F9: variants seen among roughly 807,000 people sequenced by gnomAD.
F9 encodes the protein coagulation factor IX, also known as Christmas factor.
In F9, 2 loss-of-function variants were observed where a neutral mutation model predicts 34.1. The ratio of observed to expected loss-of-function variants is 0.06; its 90% CI spans 0.02 to 0.18. The LOEUF (loss-of-function observed/expected upper bound fraction) is 0.18. F9 is among the 10% of genes least tolerant of loss of function. The pLI is 1.00. For missense variants in F9, 216 were observed against 345.1 expected, an observed-to-expected ratio of 0.63 and a Z score of 2.96; for synonymous variants, 137 against 118.8, an observed-to-expected ratio of 1.15 and a Z score of -1.00.
chrX:139,559,372 G>A (rs1235071481), intron 6 of F9, among the ~76,000 whole-genome samples: 1 of 112,155 alleles, frequency 8.9e-6, no homozygotes, highest in Non-Finnish European at 1.9e-5. Flanking sequence ...GGCCAACATG[G>A]TGAAACCCCA....
intron 1 of F9, among the ~76,000 whole-genome samples, chrX:139,533,006 G>A (rs972608041): frequency 9.0e-6 from 1 of 111,345 alleles, no homozygotes; most frequent in Admixed American, 9.6e-5. Context: ...CTGGCAACAC[G>A]CTAATGAAAT....
chrX:139,549,710 G>A (rs1183859818), intron 5 of F9, among the ~76,000 whole-genome samples: 1 of 112,162 alleles, frequency 8.9e-6, no homozygotes, highest in Non-Finnish European at 1.9e-5. Context: ...CCTCATTCTG[G>A]TAAACCCACA....
chrX:139,538,586 CT>C (rs1252678401), intron 3 of F9, among the ~76,000 whole-genome samples: 4 of 111,656 alleles, frequency 3.6e-5, no homozygotes, highest in Non-Finnish European at 7.5e-5. Context: ...AGAGTTGACT[CT>C]GTTATATTGT....
At chrX:139,543,503 C>G (rs948986751) in intron 4 of F9, among the ~76,000 whole-genome samples, 9 of 112,146 alleles carry the variant, frequency 8.0e-5, no homozygotes, top group African/African-American at 2.6e-4. Flanking sequence ...GTCACAGACA[C>G]TACTGTCTTA....
At chrX:139,532,277 A>T (rs1429969933) in intron 1 of F9, among the ~76,000 whole-genome samples, 1 of 111,824 alleles carries the variant, frequency 8.9e-6, no homozygotes, top group Non-Finnish European at 1.9e-5. Context: ...GAATTTTTCT[A>T]AGGATAGACA....
chrX:139,562,304 C>T lies in F9; in HGVS notation c.*233C>T. 2.6e-6 allele frequency: 1 copy of T among 383,763 alleles called. No homozygotes were observed. The highest frequency in any genetic ancestry group is 4.5e-6 in the Non-Finnish European group (1 of 221,002). The allele number at this position is 383,763 out of a possible 1,213,427, so 31.6% of individuals were successfully genotyped here. On this transcript the variant is annotated 3_prime_UTR_variant, in exon 8 of 8. Transcript: ENST00000218099. ...TTACAGTCATTTCTAAGGGCCCAGCCCTTGACAAAATTGTGAAGTTAAATT... is the reference window on the plus strand; with the variant it reads ...TTACAGTCATTTCTAAGGGCCCAGCTCTTGACAAAATTGTGAAGTTAAATT...
At position 139,545,497 on chromosome X, in the gene F9, AC is replaced by A. The variant is rs910931447; in HGVS notation, c.392-2865del. 1.1e-4 allele frequency among the ~76,000 whole-genome samples: 12 copies of A among 112,164 alleles called. No homozygotes were observed. In the Admixed American group the frequency reaches 1.1e-3, roughly 11 times the overall value. The stretch of plus-strand genomic sequence containing the variant: ...CACAATTATTGTGAATTGGGATTAA[AC>A]TAATCTATTAATAATGACAACTTTC... On this transcript the variant is annotated intron_variant, in intron 4 of 7. Transcript: ENST00000218099.
In F9 at chrX:139,562,962, A is replaced by T. The variant is rs1928160128; in HGVS notation, c.*891A>T. 1 of 104,237 alleles carries T rather than the reference A, an allele frequency of 9.6e-6. No individual in the cohort carries two copies. Among genetic ancestry groups the T allele is most frequent in the Non-Finnish European group, 2.0e-5 (1 of 51,245 alleles). The allele number at this position is 104,237 out of a possible 1,213,427, so 8.6% of individuals were successfully genotyped here. The stretch of plus-strand genomic sequence containing the variant: ...ACACATATAATGGAAGCAATAAGCC[A>T]TTCTAAGAGCTTGTATGGTTATGGA... On this transcript the variant is annotated 3_prime_UTR_variant, in exon 8 of 8. Coordinates refer to ENST00000218099, the MANE Select transcript of F9 (RefSeq NM_000133.4).
chrX:139,535,897 A>G (rs1177044178), intron 1 of F9, among the ~76,000 whole-genome samples: 1 of 110,557 alleles, frequency 9.0e-6, no homozygotes, highest in Non-Finnish European at 1.9e-5. Flanking sequence ...CTACATACCT[A>G]GGTTGTATTG....
intron 5 of F9, among the ~76,000 whole-genome samples, chrX:139,549,088 G>A (rs1224606908): frequency 1.8e-5 from 2 of 111,476 alleles, no homozygotes; most frequent in African/African-American, 6.5e-5. Context: ...CAGCTGATTA[G>A]TGTATTCAGA....
In F9 at chrX:139,563,410, C is replaced by T. The variant is rs1928170915; in HGVS notation, c.*1339C>T. On this transcript the variant is annotated 3_prime_UTR_variant, in exon 8 of 8. Transcript: ENST00000218099. ...AATCTTCTAGAGAGTTGCTGACCAA[C>T]TGACGTATGTTTCCCTTTGTGAATT... 8.9e-6 allele frequency: 1 copy of T among 111,861 alleles called. No individual in the cohort carries two copies. Among genetic ancestry groups the T allele is most frequent in the African/African-American group, 3.2e-5 (1 of 30,774 alleles). The allele number at this position is 111,861 out of a possible 1,213,427, so 9.2% of individuals were successfully genotyped here.
chrX:139,549,350 TAAAG>T (rs1187718087), intron 5 of F9, among the ~76,000 whole-genome samples: 229 of 111,180 alleles, frequency 2.1e-3, no homozygotes, highest in African/African-American at 7.2e-3. Flanking sequence ...CAGAAGAAAT[TAAAG>T]AAAGAACCAG....
chrX:139,531,938 A>G, intron 1 of F9, among the ~76,000 whole-genome samples: 1 of 112,618 alleles, frequency 8.9e-6, no homozygotes, highest in Non-Finnish European at 1.9e-5. Context: ...TGGAAAACTC[A>G]CAAAGCAGGA....
intron 5 of F9, 110 bp from the exon 6 acceptor site, chrX:139,550,952 G>A (rs1569330543): frequency 1.6e-6 from 1 of 613,488 alleles, no homozygotes; most frequent in Non-Finnish European, 2.6e-6. Flanking sequence ...ATACTGATGG[G>A]CCTGCTTCTC....
rs3073312 is a variant in F9 at position 139,553,812 on chromosome X, C to CAAA, written c.723+2567_723+2569dup. Among the ~76,000 whole-genome samples, 57 of 12,140 alleles carry CAAA rather than the reference C, an allele frequency of 4.7e-3. 1 individual carries two copies. Among genetic ancestry groups the CAAA allele is most frequent in the African/African-American group, 0.018 (52 of 2,955 alleles). 10.5% of individuals were successfully genotyped at this position (12,140 alleles called of 115,157 possible). On this transcript the variant is annotated intron_variant, in intron 6 of 7. Transcript: ENST00000218099. ...TGGGCGACAGAGCGAGACTCCGTCT[C>CAAA]AAAAAAAAAAAAAAAAAAAAAGTCC...
intron 6 of F9, among the ~76,000 whole-genome samples, chrX:139,554,173 A>T (rs1457138570): frequency 1.8e-5 from 2 of 111,641 alleles, no homozygotes; most frequent in Non-Finnish European, 3.8e-5. Context: ...ATTTCAAATC[A>T]TTTCATGACC....
intron 2 of F9, 42 bp downstream of exon 2, chrX:139,537,215 A>G (rs1927503010): frequency 8.4e-7 from 1 of 1,183,555 alleles, no homozygotes; most frequent in African/African-American, 1.8e-5. Context: ...CAGAGCATAG[A>G]ATAGAAAATC....
chrX:139,562,123 C>G lies in F9; in HGVS notation c.*52C>G, dbSNP rs768919867. 10 of 993,750 alleles carry G rather than the reference C, an allele frequency of 1.0e-5. No individual in the cohort carries two copies. Among genetic ancestry groups the G allele is most frequent in the Non-Finnish European group, 1.4e-5 (10 of 701,010 alleles). 81.9% of individuals were successfully genotyped at this position (993,750 alleles called of 1,213,427 possible). A position where few individuals can be genotyped will look rare whatever the true frequency, so the allele number is the denominator to read the frequency against. On this transcript the variant is annotated 3_prime_UTR_variant, in exon 8 of 8. Coordinates refer to ENST00000218099, the MANE Select transcript of F9 (RefSeq NM_000133.4). ...CATTGGAATTGAAAATTAACAGGGC[C>G]TCTCACTAACTAATCACTTTCCCAT...
intron 6 of F9, among the ~76,000 whole-genome samples, chrX:139,556,956 G>A (rs747806783): frequency 8.9e-6 from 1 of 112,287 alleles, no homozygotes; most frequent in South Asian, 3.7e-4. Context: ...GAAATCGCAG[G>A]TAACGGTTAC....
Sources: gnomAD v4.1 joint callset for allele counts (sites outside exome capture counted in the v4.1 genomes callset) on GRCh38, gnomAD v4.1.1 for gene constraint, MANE v1.5 for transcripts, NCBI Gene and HGNC (gene_info 2026-07-23, HGNC 2026-07-21) for gene names.